The following WWOX variants were observed in gnomAD, a reference collection of about 807,000 sequenced individuals.
The protein encoded by WWOX is WW domain-containing oxidoreductase.
In WWOX, 69 loss-of-function variants were observed where a neutral mutation model predicts 46.2. That is an observed-to-expected ratio of 1.49 (90% CI 1.23 to 1.82). WWOX has a LOEUF of 1.82. Ranked by LOEUF, WWOX falls within the 40% of genes most tolerant of loss-of-function variation. The probability of loss-of-function intolerance (pLI) is 0.00; values close to 1 mark genes in which losing one functional copy is unlikely to be tolerated. For missense variants in WWOX, 919 were observed against 542.6 expected, an observed-to-expected ratio of 1.69 and a Z score of -6.89; for synonymous variants, 359 against 202.6, an observed-to-expected ratio of 1.77 and a Z score of -6.56.
At chr16:79,054,464 G>A (rs559971103) in intron 8 of WWOX, among the ~76,000 whole-genome samples, 97 of 152,262 alleles carry the variant, frequency 6.4e-4, no homozygotes, top group Middle Eastern at 3.4e-3. Flanking sequence ...TCCAAAATGC[G>A]CGTGTTGCAA....
At chr16:78,392,547 G>A (rs756711273) in intron 6 of WWOX, among the ~76,000 whole-genome samples, 12 of 152,092 alleles carry the variant, frequency 7.9e-5, no homozygotes, top group Non-Finnish European at 1.8e-4. Flanking sequence ...TGGAAAAATT[G>A]TCTTCCAGAA....
intron 5 of WWOX, among the ~76,000 whole-genome samples, chr16:78,236,295 C>G (rs1322066526): frequency 1.3e-5 from 2 of 152,198 alleles, no homozygotes; most frequent in African/African-American, 4.8e-5. Flanking sequence ...TCAGCAAATG[C>G]TAGTTTCCTG....
intron 5 of WWOX, among the ~76,000 whole-genome samples, chr16:78,175,145 G>C (rs1182633440): frequency 6.6e-6 from 1 of 152,104 alleles, no homozygotes; most frequent in Non-Finnish European, 1.5e-5. Context: ...CAGTGCCCTG[G>C]TATGGAGCTA....
intron 8 of WWOX, chr16:79,202,984 G>A (rs1305998449): frequency 6.6e-6 from 1 of 152,130 alleles, no homozygotes; most frequent in African/African-American, 2.4e-5. Flanking sequence ...CATAATCAAG[G>A]TTAATTTTTG....
chr16:79,054,182 A>G (rs2048220311), intron 8 of WWOX, among the ~76,000 whole-genome samples: 1 of 152,216 alleles, frequency 6.6e-6, no homozygotes, highest in East Asian at 1.9e-4. Flanking sequence ...ATGTACCAAT[A>G]TATAGCTCTT....
chr16:78,984,551 C>T (rs2046747363), intron 8 of WWOX, among the ~76,000 whole-genome samples: 1 of 152,184 alleles, frequency 6.6e-6, no homozygotes, highest in South Asian at 2.1e-4. Context: ...TGTGGGATGA[C>T]TCACATGAGC....
chr16:78,722,667 G>A (rs978114996), intron 8 of WWOX, among the ~76,000 whole-genome samples: 3 of 150,364 alleles, frequency 2.0e-5, no homozygotes, highest in Admixed American at 6.6e-5. Flanking sequence ...TGTAACTGGA[G>A]CATGATTTAA....
At chr16:78,132,086 G>A (rs2033621590) in intron 4 of WWOX, among the ~76,000 whole-genome samples, 1 of 144,876 alleles carries the variant, frequency 6.9e-6, no homozygotes, top group Non-Finnish European at 1.5e-5. Flanking sequence ...GTGCAGTGGT[G>A]CTATCTTGGC....
chr16:79,061,152 A>T (rs933689132), intron 8 of WWOX, among the ~76,000 whole-genome samples: 4 of 152,198 alleles, frequency 2.6e-5, no homozygotes, highest in Admixed American at 2.6e-4. Context: ...ATGTTGAGGG[A>T]GAAATGATAA....
At chr16:78,513,923 A>G (rs958399910) in intron 8 of WWOX, among the ~76,000 whole-genome samples, 2 of 130,990 alleles carry the variant, frequency 1.5e-5, no homozygotes, top group Non-Finnish European at 3.1e-5. Context: ...ATCACTTTGT[A>G]TGACAGTCTT....
chr16:78,222,766 T>C (rs1330608110), intron 5 of WWOX, among the ~76,000 whole-genome samples: 1 of 152,238 alleles, frequency 6.6e-6, no homozygotes, highest in East Asian at 1.9e-4. Context: ...GCCATGTCAG[T>C]TCATGACAAA....
chr16:78,466,900 A>G (rs1335919945), intron 8 of WWOX, among the ~76,000 whole-genome samples: 1 of 152,068 alleles, frequency 6.6e-6, no homozygotes, highest in Admixed American at 6.6e-5. Flanking sequence ...CACAGTTGCA[A>G]CGTTGTAGCA....
chr16:78,426,668 C>T (rs4073160), intron 7 of WWOX, among the ~76,000 whole-genome samples: 25,733 of 151,736 alleles, frequency 0.17, 2,830 homozygotes, highest in East Asian at 0.3. Context: ...TTTATTATTA[C>T]TGTTATTATT....
At chr16:78,576,585 C>T (rs1402935900) in intron 8 of WWOX, among the ~76,000 whole-genome samples, 1 of 152,160 alleles carries the variant, frequency 6.6e-6, no homozygotes, top group African/African-American at 2.4e-5. Context: ...ATAATCCTAG[C>T]ACATTGGATG....
intron 8 of WWOX, among the ~76,000 whole-genome samples, chr16:78,702,983 A>G (rs943632575): frequency 6.6e-6 from 1 of 152,152 alleles, no homozygotes; most frequent in Non-Finnish European, 1.5e-5. Context: ...TCATCATAGG[A>G]TAACTCTCCG....
At position 78,761,080 on chromosome 16, in the gene WWOX, A is replaced by G. The variant is rs572818795; in HGVS notation, c.1056+328328A>G. ...ACAACACGTAAGAATTATGGGAGCT[A>G]CAATTCAAGATGCGATTTGGGTGGG... is the stretch of plus-strand genomic sequence containing the variant. On this transcript the variant is annotated intron_variant, in intron 8 of 8. Transcript: ENST00000566780. Among the ~76,000 whole-genome samples, 4 of 152,304 alleles carry G rather than the reference A, an allele frequency of 2.6e-5. No homozygotes were observed. In the East Asian group the frequency reaches 7.7e-4, roughly 29 times the overall value.
rs541170743 is a variant in WWOX, at chr16:79,090,589, C to G, written c.1057-121019C>G. 5.3e-5 allele frequency among the ~76,000 whole-genome samples: 8 copies of G among 152,186 alleles called. No homozygotes were observed. In the South Asian group the frequency reaches 1.7e-3, roughly 32 times the overall value. On this transcript the variant is annotated intron_variant, in intron 8 of 8. Coordinates refer to ENST00000566780, the MANE Select transcript of WWOX (RefSeq NM_016373.4). ...GTTTAGAGGGCTGAGGACAGGAAGACGATGCTGTATGGCTCTAGACAGGGT... is the reference window on the plus strand; with the variant it reads ...GTTTAGAGGGCTGAGGACAGGAAGAGGATGCTGTATGGCTCTAGACAGGGT...
intron 8 of WWOX, chr16:78,873,216 T>A (rs959424162): frequency 2.6e-5 from 4 of 152,236 alleles, no homozygotes; most frequent in Non-Finnish European, 5.9e-5. Context: ...CTTTTCTGCA[T>A]GTAATTATGC....
intron 8 of WWOX, among the ~76,000 whole-genome samples, chr16:78,809,313 A>G (rs781133665): frequency 7.0e-4 from 83 of 117,896 alleles, no homozygotes; most frequent in Middle Eastern, 4.0e-3. Flanking sequence ...AGAGATCTTG[A>G]AAAAAAAAAA....
Sources: gnomAD v4.1 joint callset for allele counts (sites outside exome capture counted in the v4.1 genomes callset) on GRCh38, gnomAD v4.1.1 for gene constraint, MANE v1.5 for transcripts, NCBI Gene and HGNC (gene_info 2026-07-23, HGNC 2026-07-21) for gene names.